Variants in PATJ observed in about 807,000 individuals in gnomAD.
The protein encoded by PATJ is PATJ crumbs cell polarity complex component.
In PATJ, 190 loss-of-function variants were observed where a neutral mutation model predicts 224.9. The observed-to-expected ratio is 0.84, with a 90% CI of 0.75 to 0.95. The LOEUF (loss-of-function observed/expected upper bound fraction) is 0.95, where lower values mean the gene tolerates loss of function less well. Ranked by LOEUF, PATJ falls within the 40% of genes least tolerant of loss-of-function variation. PATJ has a pLI of 0.00. For missense variants in PATJ, 2,121 were observed against 2,270.3 expected, an observed-to-expected ratio of 0.93 and a Z score of 1.34; for synonymous variants, 769 against 820.3, an observed-to-expected ratio of 0.94 and a Z score of 1.07.
At chr1:61,827,687 C>G in intron 16 of PATJ, 104 bp downstream of exon 16, 1 of 1,086,046 alleles carries the variant, frequency 9.2e-7, no homozygotes, top group South Asian at 2.5e-5. Context: ...TTCCACTCTG[C>G]TCTTTTTTTG....
chr1:62,080,016 A>G (rs150252477), intron 32 of PATJ, among the ~76,000 whole-genome samples: 4,162 of 150,732 alleles, frequency 0.028, 97 homozygotes, highest in African/African-American at 0.055. Flanking sequence ...TGACAGAGTG[A>G]GACTCTGTCT....
intron 26 of PATJ, among the ~76,000 whole-genome samples, chr1:61,919,802 C>G (rs1674017983): frequency 6.6e-6 from 1 of 151,584 alleles, no homozygotes; most frequent in South Asian, 2.1e-4. Context: ...TCTTTTTGTT[C>G]TTATTTTCTA....
intron 14 of PATJ, among the ~76,000 whole-genome samples, chr1:61,809,579 G>T (rs990757603): frequency 4.0e-5 from 6 of 151,650 alleles, no homozygotes; most frequent in African/African-American, 1.5e-4. Context: ...TAGAGACGAG[G>T]TTTCTCCCTG....
chr1:62,149,423 G>A lies in PATJ; in HGVS notation c.5378+1033G>A, dbSNP rs74076570. Among the ~76,000 whole-genome samples, 284 of 152,138 alleles carry A rather than the reference G, an allele frequency of 1.9e-3. 1 individual carries two copies. The highest frequency in any genetic ancestry group is 6.5e-3 in the African/African-American group (271 of 41,496). On this transcript the variant is annotated intron_variant, in intron 42 of 43. Transcript: ENST00000642238. ...TTGAAGGATCTCATGGTCATAGCCC[G>A]TCCCAATTTTTTCCTGGTAGTTCCC...
At chr1:62,019,224 G>A (rs1337619187) in intron 29 of PATJ, among the ~76,000 whole-genome samples, 2 of 145,038 alleles carry the variant, frequency 1.4e-5, no homozygotes, top group African/African-American at 2.6e-5. Flanking sequence ...CAGCCTGGAC[G>A]ACAGAGAGAG....
intron 33 of PATJ, among the ~76,000 whole-genome samples, chr1:62,085,647 C>G (rs1156680768): frequency 6.6e-6 from 1 of 151,724 alleles, no homozygotes; most frequent in Non-Finnish European, 1.5e-5. Context: ...GACCTCATCT[C>G]TACAAAGAAA....
At chr1:61,877,557 G>C (rs1377781562) in intron 21 of PATJ, among the ~76,000 whole-genome samples, 1 of 151,928 alleles carries the variant, frequency 6.6e-6, no homozygotes, top group East Asian at 1.9e-4. Flanking sequence ...GAATTTTCAA[G>C]AGATCTGATG....
At chr1:62,037,618 G>A (rs1477474317) in intron 29 of PATJ, among the ~76,000 whole-genome samples, 1 of 152,110 alleles carries the variant, frequency 6.6e-6, no homozygotes, top group Non-Finnish European at 1.5e-5. Context: ...GGGCCTAAAG[G>A]TTGCACATGG....
Position 62,153,441 on chromosome 1 carries a change from A to T in PATJ, c.5462A>T (p.His1821Leu). 1 of 1,231,550 alleles carries T rather than the reference A, an allele frequency of 8.1e-7. No homozygotes were observed. Among genetic ancestry groups the T allele is most frequent in the Non-Finnish European group, 1.0e-6 (1 of 987,418 alleles). 76.3% of individuals were successfully genotyped at this position (1,231,550 alleles called of 1,614,324 possible). A position where few individuals can be genotyped will look rare whatever the true frequency, so the allele number is the denominator to read the frequency against. The change falls in exon 43 of 44, where the codon CAT (histidine) becomes CTT (leucine). Residue 1821 changes from histidine to leucine, a missense_variant. Coordinates refer to ENST00000642238, the MANE Select transcript of PATJ (RefSeq NM_001350145.3). ...FSIVGGYGSP[H>L]GDLPIYVKTV... ...ATTGTAGGGGGTTATGGAAGTCCCCATGGAGACCTGCCAATTTATGTCAAG... is the reference window on the plus strand; with the variant it reads ...ATTGTAGGGGGTTATGGAAGTCCCCTTGGAGACCTGCCAATTTATGTCAAG...
At chr1:61,763,895 C>T (rs1382472378) in intron 3 of PATJ, among the ~76,000 whole-genome samples, 2 of 152,118 alleles carry the variant, frequency 1.3e-5, no homozygotes, top group African/African-American at 4.8e-5. Flanking sequence ...TGGCCTCAAG[C>T]AGTCCTCCTA....
At chr1:62,021,107 C>T (rs953607357) in intron 29 of PATJ, among the ~76,000 whole-genome samples, 2 of 152,054 alleles carry the variant, frequency 1.3e-5, no homozygotes, top group East Asian at 1.9e-4. Context: ...GGATCACAGA[C>T]GTGAGCCACT....
At chr1:62,110,229 G>A (rs949245397) in intron 34 of PATJ, among the ~76,000 whole-genome samples, 13 of 152,188 alleles carry the variant, frequency 8.5e-5, no homozygotes, top group African/African-American at 3.1e-4. Context: ...TCTCAGTTTG[G>A]TCAGGGAACG....
intron 31 of PATJ, among the ~76,000 whole-genome samples, chr1:62,076,307 T>A (rs1443352915): frequency 6.6e-6 from 1 of 152,076 alleles, no homozygotes; most frequent in East Asian, 1.9e-4. Context: ...GCGATGGGGA[T>A]CCTAGCATCT....
intron 42 of PATJ, among the ~76,000 whole-genome samples, 193 bp downstream of exon 42, chr1:62,148,583 C>T (rs187744742): frequency 2.7e-4 from 41 of 152,304 alleles, no homozygotes; most frequent in Non-Finnish European, 8.8e-5. Context: ...TGTTGCAGGG[C>T]CTGCACACAC....
intron 30 of PATJ, among the ~76,000 whole-genome samples, chr1:62,042,100 A>C (rs1009144897): frequency 9.2e-5 from 14 of 152,254 alleles, no homozygotes; most frequent in Admixed American, 7.2e-4. Context: ...GAACATTATC[A>C]CGTATCTTAA....
At position 61,792,674 on chromosome 1, in the gene PATJ, C is replaced by T. The variant is rs905283420; in HGVS notation, c.1168+1227C>T. On this transcript the variant is annotated intron_variant, in intron 9 of 43. Coordinates refer to ENST00000642238, the MANE Select transcript of PATJ (RefSeq NM_001350145.3). Reference sequence around the variant, plus strand: ...GCCTTCGGGTAGCTGGGAGTACAGGCATACACCACCACCCCCGGATAATTT... The same window carrying T: ...GCCTTCGGGTAGCTGGGAGTACAGGTATACACCACCACCCCCGGATAATTT... Among the ~76,000 whole-genome samples the T allele has an allele frequency of 4.6e-5, 7 of 151,896 alleles. 1 individual carries two copies. The highest frequency in any genetic ancestry group is 4.6e-4 in the Admixed American group (7 of 15,236).
intron 30 of PATJ, among the ~76,000 whole-genome samples, chr1:62,041,804 G>T (rs1488806307): frequency 1.3e-5 from 2 of 152,146 alleles, no homozygotes; most frequent in African/African-American, 4.8e-5. Context: ...GCCGAGGCGG[G>T]TGGATCACGA....
At chr1:61,921,231 A>C (rs72676267) in intron 26 of PATJ, among the ~76,000 whole-genome samples, 18,795 of 152,180 alleles carry the variant, frequency 0.12, 1,599 homozygotes, top group Admixed American at 0.2. Context: ...CAGTCAAGAC[A>C]CTGACTCCTT....
chr1:61,888,558 A>C (rs1010231342), intron 22 of PATJ, among the ~76,000 whole-genome samples: 2 of 152,016 alleles, frequency 1.3e-5, no homozygotes, highest in African/African-American at 2.4e-5. Context: ...CAAAGTGTTC[A>C]AATTATTTTT....
Sources: allele counts gnomAD v4.1 joint callset (sites outside exome capture counted in the v4.1 genomes callset), GRCh38; gene constraint gnomAD v4.1.1; transcripts MANE v1.5; gene names NCBI Gene and HGNC (gene_info 2026-07-23, HGNC 2026-07-21).